STPG2: variants seen among roughly 807,000 people sequenced by gnomAD.
The protein encoded by STPG2 is sperm-tail PG-rich repeat-containing protein 2.
In STPG2, 56 loss-of-function variants were observed where a neutral mutation model predicts 54.2. That is an observed-to-expected ratio of 1.03 (90% CI 0.83 to 1.29). STPG2 has a LOEUF of 1.29. Among genes scored for constraint, STPG2 ranks in the 50% most tolerant of loss-of-function variants. STPG2 has a pLI of 0.00. For missense variants in STPG2, 596 were observed against 544.9 expected, an observed-to-expected ratio of 1.09 and a Z score of -0.93; for synonymous variants, 200 against 181.8, an observed-to-expected ratio of 1.10 and a Z score of -0.81.
At chr4:97,507,239 A>G (rs1054140848) in intron 4 of STPG2, among the ~76,000 whole-genome samples, 1 of 152,064 alleles carries the variant, frequency 6.6e-6, no homozygotes, top group Non-Finnish European at 1.5e-5. Context: ...CGAGGACACA[A>G]ACCAAAATAT....
rs930160653 is a variant in STPG2 at position 97,535,919 on chromosome 4, T to C, written c.462+176780A>G. Among the ~76,000 whole-genome samples the C allele has an allele frequency of 2.6e-5, 4 of 152,196 alleles. No individual in the cohort carries two copies. In the South Asian group the frequency reaches 8.3e-4, roughly 31 times the overall value. On this transcript the variant is annotated intron_variant, in intron 4 of 4. Coordinates refer to the STPG2 transcript ENST00000522676. The stretch of plus-strand genomic sequence containing the variant: ...ACTGGAACTCTGTGATTTTTCACCA[T>C]CTGTGTTTTTCTCTCTAGGTTTAAG...
intron 8 of STPG2, among the ~76,000 whole-genome samples, chr4:97,880,906 G>T (rs1276406172): frequency 6.6e-6 from 1 of 151,760 alleles, no homozygotes; most frequent in African/African-American, 2.4e-5. Context: ...TAATATTTGA[G>T]AGCTTCAAAT....
chr4:97,838,063 A>G (rs1328796623), intron 9 of STPG2, among the ~76,000 whole-genome samples: 1 of 151,566 alleles, frequency 6.6e-6, no homozygotes, highest in Admixed American at 6.6e-5. Context: ...ATGTTCTCCA[A>G]ATTAAGTCAG....
intron 8 of STPG2, among the ~76,000 whole-genome samples, chr4:97,868,811 C>T (rs542915505): frequency 1.3e-4 from 19 of 151,942 alleles, no homozygotes; most frequent in Middle Eastern, 3.4e-3. Context: ...ATGTGTTTAC[C>T]AAACCAATTT....
intron 3 of STPG2, among the ~76,000 whole-genome samples, chr4:98,123,155 A>T (rs1739730368): frequency 6.6e-6 from 1 of 151,988 alleles, no homozygotes; most frequent in Non-Finnish European, 1.5e-5. Flanking sequence ...TTCTGGGTTC[A>T]TTGATTTTTT....
intron 5 of STPG2, among the ~76,000 whole-genome samples, chr4:98,039,370 T>G (rs189309378): frequency 1.6e-5 from 1 of 63,328 alleles, no homozygotes; most frequent in Non-Finnish European, 3.7e-5. Context: ...TGACCATTTA[T>G]TTAACTTTCT....
chr4:98,109,114 AGC>A, intron 4 of STPG2, 77 bp downstream of exon 4: 2 of 814,472 alleles, frequency 2.5e-6, no homozygotes, highest in Non-Finnish European at 3.6e-6. Flanking sequence ...CTTTCTTTAC[AGC>A]ATAGCCTAGT....
intron 5 of STPG2, among the ~76,000 whole-genome samples, chr4:98,035,833 A>G (rs1736758814): frequency 6.6e-6 from 1 of 152,154 alleles, no homozygotes; most frequent in African/African-American, 2.4e-5. Flanking sequence ...ATTCTCAGCA[A>G]ACTAACACAA....
At chr4:97,867,988 T>A (rs1372511969) in intron 8 of STPG2, among the ~76,000 whole-genome samples, 1 of 152,006 alleles carries the variant, frequency 6.6e-6, no homozygotes, top group Non-Finnish European at 1.5e-5. Flanking sequence ...TTTTATTTTT[T>A]AAAAGAAAGA....
At chr4:97,460,961 T>C (rs1446721197) in intron 4 of STPG2, among the ~76,000 whole-genome samples, 1 of 152,246 alleles carries the variant, frequency 6.6e-6, no homozygotes, top group Non-Finnish European at 1.5e-5. Flanking sequence ...TGCTCAGTTC[T>C]CCTCTTCATT....
At chr4:98,068,289 C>A (rs561169305) in intron 5 of STPG2, among the ~76,000 whole-genome samples, 1 of 152,026 alleles carries the variant, frequency 6.6e-6, no homozygotes, top group Admixed American at 6.6e-5. Flanking sequence ...AGGTCAAATT[C>A]CTTTATTTAA....
At chr4:97,793,489 T>C (rs1310538259) in intron 9 of STPG2, among the ~76,000 whole-genome samples, 1 of 151,918 alleles carries the variant, frequency 6.6e-6, no homozygotes, top group Non-Finnish European at 1.5e-5. Flanking sequence ...CATATAAAAC[T>C]TCATGCCCAG....
intron 4 of STPG2, among the ~76,000 whole-genome samples, chr4:97,461,916 G>T (rs911875679): frequency 1.3e-5 from 2 of 151,318 alleles, no homozygotes; most frequent in African/African-American, 4.9e-5. Flanking sequence ...TCATTTTAAT[G>T]GTATCTTTTA....
intron 4 of STPG2, among the ~76,000 whole-genome samples, chr4:97,507,774 A>G (rs539841984): frequency 7.2e-5 from 11 of 152,066 alleles, no homozygotes. Context: ...AAGGTCTAGG[A>G]AAGTCCTGAA....
At chr4:97,912,450 A>T (rs551596695) in intron 8 of STPG2, among the ~76,000 whole-genome samples, 62 of 152,242 alleles carry the variant, frequency 4.1e-4, no homozygotes, top group Admixed American at 2.0e-3. Flanking sequence ...TGACAGCCAC[A>T]ATAGCCAGTT....
At chr4:98,080,975 T>C (rs912055034) in intron 5 of STPG2, among the ~76,000 whole-genome samples, 1 of 152,186 alleles carries the variant, frequency 6.6e-6, no homozygotes, top group Non-Finnish European at 1.5e-5. Flanking sequence ...TTCCCCTCCA[T>C]CCTTATCTAA....
intron 4 of STPG2, among the ~76,000 whole-genome samples, chr4:97,497,908 TTGCC>T (rs1252721258): frequency 1.3e-5 from 2 of 151,868 alleles, no homozygotes; most frequent in Non-Finnish European, 2.9e-5. Flanking sequence ...TCTTATGTTA[TTGCC>T]TCAATATAAC....
At chr4:97,626,984 G>T (rs1260289937) in intron 10 of STPG2, among the ~76,000 whole-genome samples, 1 of 151,924 alleles carries the variant, frequency 6.6e-6, no homozygotes, top group African/African-American at 2.4e-5. Flanking sequence ...AATACCAGTT[G>T]TTGACTTATT....
intron 8 of STPG2, among the ~76,000 whole-genome samples, chr4:97,910,531 G>C (rs1156718100): frequency 1.3e-5 from 2 of 152,132 alleles, no homozygotes; most frequent in Non-Finnish European, 2.9e-5. Context: ...GCACCAAATT[G>C]ACATCTGAAC....
Sources: allele counts gnomAD v4.1 joint callset (sites outside exome capture counted in the v4.1 genomes callset), GRCh38; gene constraint gnomAD v4.1.1; transcripts MANE v1.5; gene names NCBI Gene and HGNC (gene_info 2026-07-23, HGNC 2026-07-21).